Variants in MEGF10 observed in about 807,000 individuals in gnomAD.
The protein encoded by MEGF10 is multiple epidermal growth factor-like domains protein 10.
A neutral mutation model predicts 147.5 loss-of-function variants in MEGF10; 86 were observed. The ratio of observed to expected loss-of-function variants is 0.58; its 90% CI spans 0.49 to 0.70. MEGF10 has a LOEUF of 0.70. MEGF10 is among the 30% of genes least tolerant of loss of function. The pLI is 0.00. For synonymous variants in MEGF10, 478 were observed against 525.5 expected (o/e 0.91, Z 1.24); for missense variants, 1,329 against 1,487.3 (o/e 0.89, Z 1.75).
In MEGF10 at chr5:127,445,543, G is replaced by T. The variant is rs757828265; in HGVS notation, c.2578G>T (p.Ala860Ser). The T allele has an allele frequency of 6.2e-7, 1 of 1,614,072 alleles. No individual in the cohort carries two copies. The highest frequency in any genetic ancestry group is 2.2e-5 in the East Asian group (1 of 44,876). The change falls in exon 20 of 25, where the codon GCA (alanine) becomes TCA (serine). Residue 860 changes from alanine (A) to serine (S), a missense_variant. Physicochemically the swap from Ala to Ser is moderately conservative, Grantham distance 99. Transcript: ENST00000503335. ...PADSYQIGAI[A>S]GIIILVLVVL... The stretch of plus-strand genomic sequence containing the variant: ...TGATTCCTACCAGATCGGGGCCATT[G>T]CAGGCATCATCATTCTTGTCCTAGT...
At chr5:127,326,157 CT>C (rs1328279404) in intron 1 of MEGF10, among the ~76,000 whole-genome samples, 2 of 151,854 alleles carry the variant, frequency 1.3e-5, no homozygotes, top group Non-Finnish European at 2.9e-5. Context: ...TCAAGTCATC[CT>C]CCTACCTCGG....
At chr5:127,332,857 T>C (rs1325985416) in intron 2 of MEGF10, among the ~76,000 whole-genome samples, 2 of 152,086 alleles carry the variant, frequency 1.3e-5, no homozygotes, top group Admixed American at 6.5e-5. Context: ...GAAGAGACCA[T>C]TGGTAGTTGA....
chr5:127,376,911 C>T lies in MEGF10; in HGVS notation c.412+6909C>T, dbSNP rs78311262. 7.4e-3 allele frequency among the ~76,000 whole-genome samples: 1,120 copies of T among 152,118 alleles called. 11 individuals carry two copies. The highest frequency in any genetic ancestry group is 0.025 in the African/African-American group (1,055 of 41,492). ...TTTAATCACCGTGGTATGGGGCTAACGGAAGTTGGAAAACAGGTTTACTGA... is the reference window on the plus strand; with the variant it reads ...TTTAATCACCGTGGTATGGGGCTAATGGAAGTTGGAAAACAGGTTTACTGA... On this transcript the variant is annotated intron_variant, in intron 5 of 24. Transcript: ENST00000503335.
In MEGF10 at chr5:127,291,417, C is replaced by T. The variant is rs573081447; in HGVS notation, c.-19+361C>T. On this transcript the variant is annotated intron_variant, in intron 1 of 24. Coordinates refer to ENST00000503335, the MANE Select transcript of MEGF10 (RefSeq NM_001256545.2). The stretch of plus-strand genomic sequence containing the variant: ...GAGATTTGTGGGGAATCGGACTGAG[C>T]TTGAAAGGCAGTTTCAGCTGGGCCC... Among the ~76,000 whole-genome samples, 24 of 152,292 alleles carry T rather than the reference C, an allele frequency of 1.6e-4. No homozygotes were observed. The Middle Eastern group carries it at 0.01, about 65-fold the overall frequency.
chr5:127,459,386 C>T lies in MEGF10; in HGVS notation c.*2068C>T, dbSNP rs1243015823. ...CAATTGATTTATTCCAATAGTTAAC[C>T]ACTGGCTGGCTCCCAACTCTAGGTG... On this transcript the variant is annotated 3_prime_UTR_variant, in exon 25 of 25. Coordinates refer to ENST00000503335, the MANE Select transcript of MEGF10 (RefSeq NM_001256545.2). The T allele has an allele frequency of 6.6e-6, 1 of 152,142 alleles. No homozygotes were observed. The highest frequency in any genetic ancestry group is 6.5e-5 in the Admixed American group (1 of 15,276). 9.4% of individuals were successfully genotyped at this position (152,142 alleles called of 1,614,324 possible). A position where few individuals can be genotyped will look rare whatever the true frequency, so the allele number is the denominator to read the frequency against.
the MEGF10 span, among the ~76,000 whole-genome samples, chr5:127,257,797 C>CA: frequency 3.3e-5 from 5 of 151,742 alleles, no homozygotes; most frequent in African/African-American, 1.2e-4. Context: ...TTTTTGGAGA[C>CA]AAAAAAATGT....
At chr5:127,368,543 G>GTC (rs567105561) in intron 4 of MEGF10, among the ~76,000 whole-genome samples, 38 of 152,104 alleles carry the variant, frequency 2.5e-4, no homozygotes, top group Middle Eastern at 3.4e-3. Flanking sequence ...GTTTTTCAGG[G>GTC]TCTCTCTCTC....
the MEGF10 span, among the ~76,000 whole-genome samples, chr5:127,264,848 C>A: frequency 6.6e-6 from 1 of 151,720 alleles, no homozygotes; most frequent in Non-Finnish European, 1.5e-5. Flanking sequence ...ATGTGCAGGA[C>A]GTGCAGGTTT....
chr5:127,401,767 A>G (rs1196819420), intron 7 of MEGF10, among the ~76,000 whole-genome samples: 1 of 152,222 alleles, frequency 6.6e-6, no homozygotes, highest in East Asian at 1.9e-4. Flanking sequence ...TTATTGGTAC[A>G]GTATCTTATT....
At chr5:127,319,296 G>C (rs1006652716) in intron 1 of MEGF10, among the ~76,000 whole-genome samples, 2 of 152,036 alleles carry the variant, frequency 1.3e-5, no homozygotes, top group South Asian at 4.2e-4. Context: ...GTCTGGTCTT[G>C]AACTCTTGAC....
At chr5:127,409,727 C>T (rs1455985669) in intron 8 of MEGF10, 4 of 153,128 alleles carry the variant, frequency 2.6e-5, no homozygotes, top group African/African-American at 9.6e-5. Context: ...CCAAACATTT[C>T]GTGTTAGAAA....
At chr5:127,327,515 A>G (rs763567460) in intron 1 of MEGF10, among the ~76,000 whole-genome samples, 1 of 152,166 alleles carries the variant, frequency 6.6e-6, no homozygotes, top group Non-Finnish European at 1.5e-5. Context: ...AAAGTGGAAA[A>G]TTATAAGACA....
chr5:127,296,842 CT>C (rs1309128772), intron 1 of MEGF10, among the ~76,000 whole-genome samples: 2 of 152,188 alleles, frequency 1.3e-5, no homozygotes, highest in African/African-American at 4.8e-5. Flanking sequence ...ATATCCACCC[CT>C]ATTGACATCT....
chr5:127,281,907 G>T, the MEGF10 span, among the ~76,000 whole-genome samples: 6 of 152,308 alleles, frequency 3.9e-5, no homozygotes, highest in East Asian at 1.2e-3. Context: ...GGCAGGGCAG[G>T]GACAAGATTG....
intron 1 of MEGF10, among the ~76,000 whole-genome samples, chr5:127,302,801 A>G (rs903771759): frequency 1.3e-5 from 2 of 152,142 alleles, no homozygotes; most frequent in African/African-American, 4.8e-5. Flanking sequence ...AAAGGAAAGG[A>G]GGAGGAAGCA....
the MEGF10 span, among the ~76,000 whole-genome samples, chr5:127,273,508 C>A: frequency 6.6e-6 from 1 of 152,306 alleles, no homozygotes; most frequent in Middle Eastern, 3.4e-3. Context: ...ATCTTGGATC[C>A]CTTGAATTCT....
the MEGF10 span, among the ~76,000 whole-genome samples, chr5:127,266,483 T>A: frequency 6.6e-6 from 1 of 152,218 alleles, no homozygotes; most frequent in East Asian, 1.9e-4. Context: ...TTGATGGCGA[T>A]GGCGTTGAAT....
At chr5:127,282,164 C>T in the MEGF10 span, among the ~76,000 whole-genome samples, 9 of 152,314 alleles carry the variant, frequency 5.9e-5, no homozygotes, top group East Asian at 1.5e-3. Flanking sequence ...TTGCTTCCCC[C>T]TCCATTTTTA....
At position 127,449,101 on chromosome 5, in the gene MEGF10, A is replaced by G; in HGVS notation, c.2859A>G (p.Ser953=). Residue 953 remains serine (S), a splice_region_variant and synonymous_variant, in exon 22 of 25, where the codon TCA becomes TCG. Coordinates refer to ENST00000503335, the MANE Select transcript of MEGF10 (RefSeq NM_001256545.2). Reference sequence around the variant, plus strand: ...TTCGTTGTTTATATTTTTAACAGTCAAAAAACAATCAACTGTTTGTGAATC... The same window carrying G: ...TTCGTTGTTTATATTTTTAACAGTCGAAAAACAATCAACTGTTTGTGAATC... ...NNRDRMTVTK[S]KNNQLFVNLK... 1 of 1,614,048 alleles carries G rather than the reference A, an allele frequency of 6.2e-7. No individual in the cohort carries two copies. The highest frequency in any genetic ancestry group is 8.5e-7 in the Non-Finnish European group (1 of 1,179,962).
Sources: gnomAD v4.1 joint callset for allele counts (sites outside exome capture counted in the v4.1 genomes callset) on GRCh38, gnomAD v4.1.1 for gene constraint, MANE v1.5 for transcripts, NCBI Gene and HGNC (gene_info 2026-07-23, HGNC 2026-07-21) for gene names.